Variants in OR56A3 observed in about 807,000 individuals in gnomAD.
OR56A3 encodes the protein olfactory receptor 56A3.
A neutral mutation model predicts 17.5 loss-of-function variants in OR56A3; 23 were observed. That is an observed-to-expected ratio of 1.32 (90% CI 0.95 to 1.87). OR56A3 has a LOEUF of 1.87. OR56A3 is among the 40% of genes most tolerant of loss of function. The pLI, the probability that OR56A3 is intolerant of heterozygous loss-of-function variation, is 0.00. For synonymous variants in OR56A3, 175 were observed against 150.6 expected (o/e 1.16, Z -1.19); for missense variants, 366 against 380.1 (o/e 0.96, Z 0.31).
chr11:5,961,323 G>A, the OR56A3 span, among the ~76,000 whole-genome samples: 7 of 152,378 alleles, frequency 4.6e-5, no homozygotes, highest in South Asian at 1.4e-3. Context: ...GGGGAAATGG[G>A]AAAGGAAGGA....
the OR56A3 span, among the ~76,000 whole-genome samples, chr11:6,013,170 G>T: frequency 6.6e-6 from 1 of 152,232 alleles, no homozygotes; most frequent in African/African-American, 2.4e-5. Context: ...GGAGGGTGGG[G>T]CTGCTGCCTG....
chr11:6,015,335 C>G, the OR56A3 span, among the ~76,000 whole-genome samples: 3 of 151,958 alleles, frequency 2.0e-5, no homozygotes, highest in Non-Finnish European at 4.4e-5. Context: ...CTGTCTGCAT[C>G]CCAGCTGCTC....
chr11:5,947,744 C>A lies in OR56A3; in HGVS notation c.398C>A (p.Pro133Gln), dbSNP rs767339598. 1.2e-6 allele frequency: 2 copies of A among 1,614,220 alleles called. No individual in the cohort carries two copies. Among genetic ancestry groups the A allele is most frequent in the Admixed American group, 3.3e-5 (2 of 60,038 alleles). The change falls in exon 3 of 3, where the codon CCA (proline) becomes CAA (glutamine). Residue 133 changes from proline (P) to glutamine (Q), a missense_variant. Pro to Gln is a moderately conservative substitution (Grantham distance 76). Transcript: ENST00000641160. ...AYDRYVAICH[P>Q]LRYPSIITDH... is the part of the protein sequence containing the mutation. ...GATCGTTATGTAGCCATCTGCCACC[C>A]ACTGAGATATCCATCAATCATCACT...
chr11:5,961,767 AAAAG>A, the OR56A3 span, among the ~76,000 whole-genome samples: 1 of 151,920 alleles, frequency 6.6e-6, no homozygotes, highest in African/African-American at 2.4e-5. Flanking sequence ...AAAAAAAAAA[AAAAG>A]AAAGCGATTG....
Position 5,947,860 on chromosome 11 carries a change from T to C in OR56A3, c.514T>C (p.Tyr172His), listed in dbSNP as rs1481975641. 2 of 1,614,226 alleles carry C rather than the reference T, an allele frequency of 1.2e-6. No homozygotes were observed. Among genetic ancestry groups the C allele is most frequent in the African/African-American group, 1.3e-5 (1 of 75,066 alleles). Residue 172 changes from tyrosine to histidine, a missense_variant, in exon 3 of 3, where the codon TAT becomes CAT. Physicochemically the swap from Tyr to His is moderately conservative, Grantham distance 83 (BLOSUM62 2). Transcript: ENST00000641160. ...PIPILSAQLR[Y>H]CGRNVIENCI... ...CCCCATCCTTTCAGCACAACTCCGT[T>C]ATTGTGGAAGAAATGTCATTGAGAA...
At chr11:5,944,306 G>A (rs551076932) in intron 1 of OR56A3, among the ~76,000 whole-genome samples, 1 of 152,220 alleles carries the variant, frequency 6.6e-6, no homozygotes, top group South Asian at 2.1e-4. Flanking sequence ...TCAAAACCAG[G>A]AATACAATAA....
At chr11:5,963,418 ATTTTT>A in the OR56A3 span, among the ~76,000 whole-genome samples, 8 of 151,570 alleles carry the variant, frequency 5.3e-5, no homozygotes, top group Non-Finnish European at 4.4e-5. Context: ...TCTCTCCTTC[ATTTTT>A]GAAGGAGAGC....
the OR56A3 span, among the ~76,000 whole-genome samples, chr11:5,999,055 C>T: frequency 7.3e-4 from 111 of 152,194 alleles, no homozygotes; most frequent in African/African-American, 2.5e-3. Context: ...TGGAGAGCCT[C>T]GTGGTGCACC....
At chr11:5,986,025 T>A in the OR56A3 span, 3 of 1,613,510 alleles carry the variant, frequency 1.9e-6, no homozygotes, top group Non-Finnish European at 2.5e-6. Context: ...TGAGCGCAGG[T>A]GGCATGAGGA....
At chr11:5,957,142 C>T in the OR56A3 span, among the ~76,000 whole-genome samples, 1 of 149,626 alleles carries the variant, frequency 6.7e-6, no homozygotes, top group East Asian at 2.0e-4. Context: ...AAAAGTGAAA[C>T]TGCATCTCAA....
chr11:6,015,617 T>G, the OR56A3 span, among the ~76,000 whole-genome samples: 1 of 152,218 alleles, frequency 6.6e-6, no homozygotes, highest in African/African-American at 2.4e-5. Context: ...GTCCAAGGCC[T>G]TGGGAGCCCA....
the OR56A3 span, among the ~76,000 whole-genome samples, chr11:5,976,516 A>G: frequency 6.6e-6 from 1 of 152,086 alleles, no homozygotes; most frequent in African/African-American, 2.4e-5. Flanking sequence ...TTATTTTACT[A>G]TCCTTCTAAT....
the OR56A3 span, chr11:6,019,423 A>C: frequency 6.6e-6 from 1 of 152,172 alleles, no homozygotes; most frequent in African/African-American, 2.4e-5. Context: ...CATGCTGCTG[A>C]TAAAGACTTA....
chr11:5,987,090 A>G, the OR56A3 span: 1 of 656,192 alleles, frequency 1.5e-6, no homozygotes. Context: ...TGAGACATCC[A>G]CATGTCTGAA....
the OR56A3 span, among the ~76,000 whole-genome samples, chr11:5,988,351 T>C: frequency 2.4e-4 from 37 of 152,202 alleles, no homozygotes; most frequent in Admixed American, 2.4e-3. Flanking sequence ...ACTTTATAAT[T>C]ATAACATAGC....
At chr11:5,973,708 C>G in the OR56A3 span, among the ~76,000 whole-genome samples, 1 of 152,074 alleles carries the variant, frequency 6.6e-6, no homozygotes, top group South Asian at 2.1e-4. Context: ...GACCACAAAT[C>G]TCTTGTATTC....
At chr11:5,966,243 G>T in the OR56A3 span, among the ~76,000 whole-genome samples, 4 of 150,486 alleles carry the variant, frequency 2.7e-5, no homozygotes, top group African/African-American at 9.8e-5. Flanking sequence ...GCATGGTGGT[G>T]CACACCTGTA....
chr11:5,997,388 T>C, the OR56A3 span, among the ~76,000 whole-genome samples: 1 of 152,210 alleles, frequency 6.6e-6, no homozygotes, highest in Non-Finnish European at 1.5e-5. Flanking sequence ...GATGCTGTAC[T>C]GTAATTGCTA....
Position 5,947,315 on chromosome 11 carries a change from C to T in OR56A3, c.-32C>T. 1 of 1,524,714 alleles carries T rather than the reference C, an allele frequency of 6.6e-7. No homozygotes were observed. Among genetic ancestry groups the T allele is most frequent in the Non-Finnish European group, 8.9e-7 (1 of 1,128,190 alleles). The allele number at this position is 1,524,714 out of a possible 1,614,324, so 94.4% of individuals were successfully genotyped here. A position where few individuals can be genotyped will look rare whatever the true frequency, so the allele number is the denominator to read the frequency against. On this transcript the variant is annotated 5_prime_UTR_variant, in exon 3 of 3. Transcript: ENST00000641160. Reference sequence around the variant, plus strand: ...TTTGTAATCATAATTTTCCAGATCACTGAAAGAAAGCAGTAAAATATATGG... The same window carrying T: ...TTTGTAATCATAATTTTCCAGATCATTGAAAGAAAGCAGTAAAATATATGG...
Sources: gnomAD v4.1 joint callset for allele counts (sites outside exome capture counted in the v4.1 genomes callset) on GRCh38, gnomAD v4.1.1 for gene constraint, MANE v1.5 for transcripts, NCBI Gene and HGNC (gene_info 2026-07-23, HGNC 2026-07-21) for gene names.